CYP11A1: variants seen among roughly 807,000 people sequenced by gnomAD.
CYP11A1 encodes the protein cholesterol side-chain cleavage enzyme, mitochondrial.
CYP11A1 carries 25 observed loss-of-function variants against 51.9 expected under a neutral mutation model. The observed-to-expected ratio is 0.48, with a 90% CI of 0.35 to 0.67. CYP11A1 has a LOEUF of 0.67. Ranked by LOEUF, CYP11A1 falls within the 30% of genes least tolerant of loss-of-function variation. CYP11A1 has a pLI of 0.00. For missense variants in CYP11A1, 578 were observed against 680.9 expected, an observed-to-expected ratio of 0.85 and a Z score of 1.68; for synonymous variants, 245 against 262.1, an observed-to-expected ratio of 0.93 and a Z score of 0.63.
chr15:74,349,203 A>G (rs1303442308), intron 1 of CYP11A1, among the ~76,000 whole-genome samples: 1 of 152,256 alleles, frequency 6.6e-6, no homozygotes, highest in Non-Finnish European at 1.5e-5. Flanking sequence ...TCTAGTTTCC[A>G]GAACTGCCAG....
intron 1 of CYP11A1, chr15:74,361,939 C>A (rs2060710584): frequency 5.2e-6 from 6 of 1,163,338 alleles, no homozygotes; most frequent in Non-Finnish European, 7.7e-6. Context: ...TGGTCTTTGG[C>A]AAGGTGAAAG....
chr15:74,348,032 G>C lies in CYP11A1; in HGVS notation c.293C>G (p.Ser98Trp). The C allele has an allele frequency of 6.2e-7, 1 of 1,614,204 alleles. No homozygotes were observed. The highest frequency in any genetic ancestry group is 8.5e-7 in the Non-Finnish European group (1 of 1,180,030). Residue 98 changes from serine to tryptophan, a missense_variant, in exon 2 of 9, where the codon TCG (serine) becomes TGG (tryptophan). Ser to Trp is a radical substitution (Grantham distance 177, BLOSUM62 -3). Coordinates refer to ENST00000268053, the MANE Select transcript of CYP11A1 (RefSeq NM_000781.3). Reference sequence around the variant, plus strand: ...ATCTTCAGGGTCGATGACATAAACCGACTCCACGTTGCCGAGCTTCTCCCT... The same window carrying C: ...ATCTTCAGGGTCGATGACATAAACCCACTCCACGTTGCCGAGCTTCTCCCT... The part of the protein sequence containing the change: ...IYREKLGNVE[S>W]VYVIDPEDVA...
In CYP11A1 at chr15:74,340,838, C is replaced by T. The variant is rs868767954; in HGVS notation, c.991-1085G>A. ...ACCTGCCTGCTGCTCCCCAATACCC[C>T]ACTCCCCACCTCTCTCCAACACACA... On this transcript the variant is annotated intron_variant, in intron 5 of 8. Transcript: ENST00000268053. 3.9e-5 allele frequency among the ~76,000 whole-genome samples: 6 copies of T among 152,058 alleles called. No homozygotes were observed. In the South Asian group the frequency reaches 1.2e-3, roughly 32 times the overall value.
Position 74,343,863 on chromosome 15 carries a change from G to A in CYP11A1, c.755C>T (p.Pro252Leu), listed in dbSNP as rs762603578. 7 of 1,613,790 alleles carry A rather than the reference G, an allele frequency of 4.3e-6. No individual in the cohort carries two copies. Among genetic ancestry groups the A allele is most frequent in the Admixed American group, 1.7e-5 (1 of 60,006 alleles). ...GGTCCTGAACAGACGGAACAGGTCT[G>A]GGGGAAGGTTGAGCATGGGGACGCT... ...HTSVPMLNLP[P>L]DLFRLFRTKT... Residue 252 changes from proline (P) to leucine (L), a missense_variant, in exon 4 of 9, where the codon CCA becomes CTA. Physicochemically the swap from Pro to Leu is moderately conservative, Grantham distance 98. Coordinates refer to ENST00000268053, the MANE Select transcript of CYP11A1 (RefSeq NM_000781.3).
intron 1 of CYP11A1, chr15:74,348,390 CAAGT>C (rs1398303493): frequency 2.7e-6 from 1 of 374,696 alleles, no homozygotes; most frequent in African/African-American, 2.1e-5. Context: ...CATGGACCAG[CAAGT>C]CCTCCACTCC....
chr15:74,349,299 C>T (rs2060645350), intron 1 of CYP11A1, among the ~76,000 whole-genome samples: 1 of 152,162 alleles, frequency 6.6e-6, no homozygotes. Flanking sequence ...TCTTGCTAGC[C>T]TCTGCCTTTT....
In CYP11A1 at chr15:74,338,015, G is replaced by A; in HGVS notation, c.1523C>T (p.Ser508Phe). The change falls in exon 9 of 9, where the codon TCC (serine) becomes TTC (phenylalanine). Residue 508 changes from serine to phenylalanine, a missense_variant. Ser to Phe is a radical substitution (Grantham distance 155, BLOSUM62 -2). Transcript: ENST00000268053. Reference protein sequence around the residue: ...NLILMPEKPISFTFWPFNQEA... With the variant: ...NLILMPEKPIFFTFWPFNQEA... Reference sequence around the variant, plus strand: ...CTGGTTAAAGGGCCAGAAGGTGAAGGAGATGGGCTTTTCAGGCATCAGAAT... The same window carrying A: ...CTGGTTAAAGGGCCAGAAGGTGAAGAAGATGGGCTTTTCAGGCATCAGAAT... 3 of 1,614,148 alleles carry A rather than the reference G, an allele frequency of 1.9e-6. No individual in the cohort carries two copies.
chr15:74,348,116 C>G (rs568472578), intron 1 of CYP11A1, 61 bp from the exon 2 acceptor site: 1 of 1,580,730 alleles, frequency 6.3e-7, no homozygotes, highest in South Asian at 1.1e-5. Context: ...GATACAGGCT[C>G]AGCACAGCTG....
chr15:74,339,163 C>A (rs1452604711), intron 7 of CYP11A1, 74 bp downstream of exon 7: 2 of 1,309,454 alleles, frequency 1.5e-6, no homozygotes, highest in Admixed American at 3.4e-5. Flanking sequence ...CCCAGTGCCA[C>A]CCTCTGTCTG....
intron 5 of CYP11A1, among the ~76,000 whole-genome samples, chr15:74,342,311 T>C (rs2060610765): frequency 6.6e-6 from 1 of 152,184 alleles, no homozygotes; most frequent in Non-Finnish European, 1.5e-5. Flanking sequence ...CTCGAACTTC[T>C]GACCTCATGA....
chr15:74,367,282 C>T (rs2060738438), intron 1 of CYP11A1, 35 bp downstream of exon 1: 1 of 1,613,912 alleles, frequency 6.2e-7, no homozygotes, highest in African/African-American at 1.3e-5. Context: ...CTCCTCCTCC[C>T]TGTCCCTTCG....
intron 5 of CYP11A1, among the ~76,000 whole-genome samples, chr15:74,342,002 G>A (rs780356316): frequency 6.6e-5 from 10 of 152,246 alleles, no homozygotes; most frequent in East Asian, 1.9e-4. Context: ...TGTTTAAATC[G>A]CCCAGTCAAT....
chr15:74,338,356 T>G, intron 8 of CYP11A1: 1 of 711,322 alleles, frequency 1.4e-6, no homozygotes, highest in South Asian at 1.6e-5. Flanking sequence ...CCATGGGGAA[T>G]GGATGGCCAG....
At chr15:74,342,830 G>A (rs185527070) in intron 5 of CYP11A1, 147 bp downstream of exon 5, 625 of 794,706 alleles carry the variant, frequency 7.9e-4, no homozygotes, top group Non-Finnish European at 1.0e-3. Context: ...GGAGATTAGC[G>A]CTTTGGAAAT....
At chr15:74,348,165 T>A in intron 1 of CYP11A1, 110 bp from the exon 2 acceptor site, 1 of 1,275,634 alleles carries the variant, frequency 7.8e-7, no homozygotes, top group Non-Finnish European at 1.1e-6. Flanking sequence ...GGGACCTGAG[T>A]CGAGGCCCTT....
intron 1 of CYP11A1, among the ~76,000 whole-genome samples, chr15:74,349,591 T>C (rs1389477539): frequency 6.6e-6 from 1 of 152,222 alleles, no homozygotes; most frequent in East Asian, 1.9e-4. Flanking sequence ...TGAACTGCTA[T>C]TATCATGATC....
At position 74,345,228 on chromosome 15, in the gene CYP11A1, C is replaced by G; in HGVS notation, c.441G>C (p.Trp147Cys). ...IGVLLKKSAA[W>C]KKDRVALNQE... The stretch of plus-strand genomic sequence containing the variant: ...GGTTCAGGGCCACCCGGTCTTTCTT[C>G]CAGGCTGCCGACTTCCTGAGAAAAC... The change falls in exon 3 of 9, where the codon TGG (tryptophan) becomes TGC (cysteine). Residue 147 changes from tryptophan (W) to cysteine (C), a missense_variant. By Grantham distance (215) the Trp-to-Cys change is radical. Transcript: ENST00000268053. The surrounding 1 kb of genome is among the most constrained non-coding windows in gnomAD (Gnocchi z 4.3). 6.2e-7 allele frequency: 1 copy of G among 1,614,226 alleles called. No homozygotes were observed. Among genetic ancestry groups the G allele is most frequent in the Non-Finnish European group, 8.5e-7 (1 of 1,180,036 alleles).
Position 74,339,636 on chromosome 15 carries a change from T to C in CYP11A1, c.1108A>G (p.Met370Val), listed in dbSNP as rs1272691497. 8 of 1,614,042 alleles carry C rather than the reference T, an allele frequency of 5.0e-6. No individual in the cohort carries two copies. The highest frequency in any genetic ancestry group is 6.8e-6 in the Non-Finnish European group (8 of 1,180,022). The change falls in exon 6 of 9, where the codon ATG (methionine) becomes GTG (valine). Residue 370 changes from methionine to valine, a missense_variant. Coordinates refer to ENST00000268053, the MANE Select transcript of CYP11A1 (RefSeq NM_000781.3). Reference protein sequence around the residue: ...RHQAQGDMATMLQLVPLLKAS... With the variant: ...RHQAQGDMATVLQLVPLLKAS... ...TTGAGGAGGGGGACCAGCTGTAGCA[T>C]CGTGGCCATGTCTCCCTGGGCCTGG...
intron 5 of CYP11A1, 93 bp from the exon 6 acceptor site, chr15:74,339,846 A>G (rs2060598459): frequency 2.4e-6 from 3 of 1,272,108 alleles, no homozygotes; most frequent in African/African-American, 2.9e-5. Flanking sequence ...TTCATTTCCA[A>G]GAACCTCTTT....
Sources: gnomAD v4.1 joint callset for allele counts (sites outside exome capture counted in the v4.1 genomes callset) on GRCh38, gnomAD v4.1.1 for gene constraint, Gnocchi (gnomAD v3.1) non-coding constraint, MANE v1.5 for transcripts, NCBI Gene and HGNC (gene_info 2026-07-23, HGNC 2026-07-21) for gene names.